Variants in DCDC2 observed in about 807,000 individuals in gnomAD.
DCDC2 encodes the protein doublecortin domain containing 2.
A neutral mutation model predicts 50.2 loss-of-function variants in DCDC2; 40 were observed. The observed-to-expected ratio is 0.80, with a 90% CI of 0.62 to 1.04. DCDC2 has a LOEUF of 1.04. DCDC2 is among the 50% of genes least tolerant of loss of function. The pLI, the probability that DCDC2 is intolerant of heterozygous loss-of-function variation, is 0.00. For missense variants in DCDC2, 570 were observed against 581.9 expected (o/e 0.98, Z 0.21); for synonymous variants, 234 against 210.6 (o/e 1.11, Z -0.96).
At chr6:24,242,753 G>A (rs1162153289) in intron 7 of DCDC2, among the ~76,000 whole-genome samples, 1 of 152,156 alleles carries the variant, frequency 6.6e-6, no homozygotes, top group Non-Finnish European at 1.5e-5. Context: ...CTTCAGGCCA[G>A]GAGTTCGAGA....
the DCDC2 span, among the ~76,000 whole-genome samples, chr6:24,369,542 G>A: frequency 1.3e-5 from 2 of 151,932 alleles, no homozygotes; most frequent in South Asian, 2.1e-4. Flanking sequence ...CCTGGGAGGT[G>A]GAGGTTGCAG....
chr6:24,377,778 A>G, the DCDC2 span, among the ~76,000 whole-genome samples: 1 of 152,202 alleles, frequency 6.6e-6, no homozygotes, highest in African/African-American at 2.4e-5. Flanking sequence ...ACCTGAGGTC[A>G]GGAGTTCGAG....
intron 2 of DCDC2, among the ~76,000 whole-genome samples, chr6:24,337,655 G>A (rs538822156): frequency 6.6e-6 from 1 of 152,110 alleles, no homozygotes; most frequent in African/African-American, 2.4e-5. Flanking sequence ...AAAATTAGCT[G>A]GGTGTGGTGA....
intron 8 of DCDC2, among the ~76,000 whole-genome samples, chr6:24,179,691 A>G (rs1761015098): frequency 6.6e-6 from 1 of 151,150 alleles, no homozygotes; most frequent in Non-Finnish European, 1.5e-5. Context: ...ACGGTGGCTT[A>G]TGCCTGTAAT....
rs757474980 is a variant in DCDC2, at chr6:24,326,876, G to C, written c.349-24832C>G. ...CCTGTCTCAAAAAAAAAAAAAAAAT[G>C]CATAAAAATGTTCATTTACATCCTC... On this transcript the variant is annotated intron_variant, in intron 2 of 9. Coordinates refer to ENST00000378454, the MANE Select transcript of DCDC2 (RefSeq NM_016356.5). Among the ~76,000 whole-genome samples the C allele has an allele frequency of 1.4e-4, 20 of 145,908 alleles. 2 individuals are homozygous for C. Among genetic ancestry groups the C allele is most frequent in the Non-Finnish European group, 2.4e-4 (16 of 66,046 alleles).
chr6:24,362,317 TACAATTATTTTTTATTTAATTGTATGTTG>T (rs1469407927), upstream of DCDC2, among the ~76,000 whole-genome samples: 75 of 147,098 alleles, frequency 5.1e-4, 1 homozygote, highest in African/African-American at 1.1e-3. Context: ...TGTATGTTGA[TACAATTATTTTTTATTTAATTGTATGTTG>T]ATACAATTAT....
chr6:24,258,069 T>C (rs1351264361), intron 7 of DCDC2, among the ~76,000 whole-genome samples: 1 of 152,156 alleles, frequency 6.6e-6, no homozygotes, highest in African/African-American at 2.4e-5. Flanking sequence ...TGAAGTAGTG[T>C]GTTCAGAGTG....
intron 2 of DCDC2, among the ~76,000 whole-genome samples, chr6:24,352,153 C>A (rs1436624255): frequency 6.6e-6 from 1 of 152,154 alleles, no homozygotes; most frequent in Non-Finnish European, 1.5e-5. Flanking sequence ...TATTGCACAC[C>A]TGTTGTCTTT....
intron 3 of DCDC2, 25 bp from the exon 4 acceptor site, chr6:24,301,871 T>C (rs1430208345): frequency 6.2e-7 from 1 of 1,614,050 alleles, no homozygotes; most frequent in Admixed American, 1.7e-5. Flanking sequence ...GCAAACCTTC[T>C]GAAACAGTTA....
At chr6:24,217,256 T>C (rs538931795) in intron 7 of DCDC2, among the ~76,000 whole-genome samples, 13 of 152,196 alleles carry the variant, frequency 8.5e-5, no homozygotes, top group African/African-American at 3.1e-4. Context: ...CCAAATTATA[T>C]ATAAATATAT....
At chr6:24,234,694 A>G (rs1017864982) in intron 7 of DCDC2, among the ~76,000 whole-genome samples, 1 of 152,200 alleles carries the variant, frequency 6.6e-6, no homozygotes, top group Admixed American at 6.5e-5. Context: ...GATTTCAGGC[A>G]TAAGTAGATA....
rs28987368 is a variant in DCDC2, at chr6:24,306,494, T to TTAGATAGATAGA, written c.349-4462_349-4451dup. Among the ~76,000 whole-genome samples, 142 of 129,458 alleles carry TTAGATAGATAGA rather than the reference T, an allele frequency of 1.1e-3. 1 individual carries two copies. The highest frequency in any genetic ancestry group is 3.7e-3 in the Middle Eastern group (1 of 268). The allele number at this position is 129,458 out of a possible 152,430, so 84.9% of individuals were successfully genotyped here. ...CCCATTTCAAACCCCTGAGTGGAGATTAGATAGATAGATAGATAGATAGAT... is the reference window on the plus strand; with the variant it reads ...CCCATTTCAAACCCCTGAGTGGAGATTAGATAGATAGATAGATAGATAGATAGATAGATAGAT... On this transcript the variant is annotated intron_variant, in intron 2 of 9. Coordinates refer to ENST00000378454, the MANE Select transcript of DCDC2 (RefSeq NM_016356.5).
rs752153479 is a variant in DCDC2 at position 24,284,443 on chromosome 6, T to TA, written c.759+4408dup. ...CAAGATGGTGAAACCCCGTCTCTAC[T>TA]AAAAAAAAAAATACAAAAATTAGCC... On this transcript the variant is annotated intron_variant, in intron 6 of 9. Transcript: ENST00000378454. Among the ~76,000 whole-genome samples the TA allele has an allele frequency of 6.4e-3, 924 of 143,614 alleles. 3 individuals are homozygous for TA. The highest frequency in any genetic ancestry group is 7.4e-3 in the African/African-American group (292 of 39,252). 94.2% of individuals were successfully genotyped at this position (143,614 alleles called of 152,430 possible).
intron 4 of DCDC2, among the ~76,000 whole-genome samples, chr6:24,298,655 A>C (rs1242324343): frequency 6.6e-6 from 1 of 152,266 alleles, no homozygotes; most frequent in Non-Finnish European, 1.5e-5. Context: ...TGCCTGACAC[A>C]TAAGAAATAG....
At chr6:24,311,162 T>A (rs1759564451) in intron 2 of DCDC2, among the ~76,000 whole-genome samples, 1 of 152,204 alleles carries the variant, frequency 6.6e-6, no homozygotes, top group Admixed American at 6.5e-5. Context: ...TGGATCATAT[T>A]TGAGCTGACC....
In DCDC2 at chr6:24,357,552, T is replaced by G. The variant is rs1581669697; in HGVS notation, c.199A>C (p.Thr67Pro). 1 of 1,613,346 alleles carries G rather than the reference T, an allele frequency of 6.2e-7. No homozygotes were observed. Among genetic ancestry groups the G allele is most frequent in the South Asian group, 1.1e-5 (1 of 91,066 alleles). ...APFGAVRNIY[T>P]PRTGHRIRKL... ...CGGATTCGGTGGCCAGTCCGCGGGG[T>G]GTAGATGTTCCTGACGGCCCCAAAG... Residue 67 changes from threonine (T) to proline (P), a missense_variant, in exon 1 of 10, where the codon ACC becomes CCC. Coordinates refer to ENST00000378454, the MANE Select transcript of DCDC2 (RefSeq NM_016356.5).
chr6:24,353,488 C>T (rs1355063364), intron 2 of DCDC2, 81 bp downstream of exon 2: 9 of 822,262 alleles, frequency 1.1e-5, no homozygotes, highest in Admixed American at 4.4e-5. Flanking sequence ...AAGTAGAATG[C>T]CGTCCAAATC....
chr6:24,178,195 G>C, intron 9 of DCDC2, 135 bp downstream of exon 9: 1 of 824,986 alleles, frequency 1.2e-6, no homozygotes, highest in Non-Finnish European at 1.9e-6. Context: ...GGATTAAATG[G>C]TATTGGATCT....
chr6:24,249,749 T>C (rs1482168461), intron 7 of DCDC2, among the ~76,000 whole-genome samples: 1 of 152,204 alleles, frequency 6.6e-6, no homozygotes, highest in Non-Finnish European at 1.5e-5. Flanking sequence ...CCCTCAGCAC[T>C]GTGTTTGGGG....
Sources: allele counts gnomAD v4.1 joint callset (sites outside exome capture counted in the v4.1 genomes callset), GRCh38; gene constraint gnomAD v4.1.1; transcripts MANE v1.5; gene names NCBI Gene and HGNC (gene_info 2026-07-23, HGNC 2026-07-21).